The following SCEL variants were observed in gnomAD, a reference collection of about 807,000 sequenced individuals.
SCEL encodes sciellin.
Under a neutral mutation model 117.6 loss-of-function variants are expected in SCEL, and 113 were observed. The observed-to-expected ratio is 0.96, with a 90% CI of 0.83 to 1.12. The LOEUF (loss-of-function observed/expected upper bound fraction) is 1.12. Among genes scored for constraint, SCEL ranks in the 50% most tolerant of loss-of-function variants. SCEL has a pLI of 0.00. For missense variants in SCEL, 785 were observed against 810.8 expected (o/e 0.97, Z 0.39); for synonymous variants, 270 against 256.2 (o/e 1.05, Z -0.51).
rs1555510801 is a variant in SCEL, at chr13:77,593,300, G to GTGTGCGCGCGCGTC, written c.693-210_693-209insCGCGCGCGTCTGTG. Among the ~76,000 whole-genome samples, 388 of 145,216 alleles carry GTGTGCGCGCGCGTC rather than the reference G, an allele frequency of 2.7e-3. 3 individuals carry two copies. Among genetic ancestry groups the GTGTGCGCGCGCGTC allele is most frequent in the Middle Eastern group, 7.2e-3 (2 of 276 alleles). ...TGTGTGTGTGTGTGTGTGTGTGTCTGTGTGTGTGTGTGTGTGTGTCAGTGG... is the reference window on the plus strand; with the variant it reads ...TGTGTGTGTGTGTGTGTGTGTGTCTGTGTGCGCGCGCGTCTGTGTGTGTGTGTGTGTGTCAGTGG... On this transcript the variant is annotated intron_variant, in intron 11 of 32. Transcript: ENST00000349847.
At chr13:77,613,841 A>T in intron 23 of SCEL, 52 bp from the exon 24 acceptor site, 1 of 1,466,608 alleles carries the variant, frequency 6.8e-7, no homozygotes, top group Non-Finnish European at 9.6e-7. Context: ...CTGTCAAAAC[A>T]AAAAAGAAAT....
intron 10 of SCEL, among the ~76,000 whole-genome samples, chr13:77,590,120 C>T (rs910457206): frequency 6.6e-5 from 10 of 152,038 alleles, no homozygotes; most frequent in African/African-American, 2.2e-4. Context: ...TTTAATAAGA[C>T]ACAACCATAG....
At chr13:77,546,991 TAGTC>T (rs1003615184) in intron 1 of SCEL, among the ~76,000 whole-genome samples, 3 of 152,184 alleles carry the variant, frequency 2.0e-5, no homozygotes, top group Non-Finnish European at 2.9e-5. Flanking sequence ...TCAATTGTAA[TAGTC>T]AGAACTACAA....
At chr13:77,569,789 T>C (rs2085491495) in intron 8 of SCEL, among the ~76,000 whole-genome samples, 1 of 152,220 alleles carries the variant, frequency 6.6e-6, no homozygotes, top group South Asian at 2.1e-4. Context: ...GAAACCGGCC[T>C]GTATCTGGAG....
intron 1 of SCEL, among the ~76,000 whole-genome samples, chr13:77,540,816 T>A (rs888762396): frequency 6.6e-6 from 1 of 152,248 alleles, no homozygotes; most frequent in Non-Finnish European, 1.5e-5. Flanking sequence ...TGAACGACTT[T>A]AAGTAGGTGA....
rs1275760140 is a variant in SCEL at position 77,602,585 on chromosome 13, T to C, written c.978-69T>C. On this transcript the variant is annotated intron_variant, in intron 16 of 32. Coordinates refer to ENST00000349847, the MANE Select transcript of SCEL (RefSeq NM_144777.3). ...CCTGACACCACATTCAGGGACATTC[T>C]TGATTATACAGATTTCAGAGAAAAT... is the stretch of plus-strand genomic sequence containing the variant. 3 of 1,358,186 alleles carry C rather than the reference T, an allele frequency of 2.2e-6. No individual in the cohort carries two copies. The African/African-American group carries it at 4.3e-5, about 19-fold the overall frequency. 84.1% of individuals were successfully genotyped at this position (1,358,186 alleles called of 1,614,324 possible).
chr13:77,613,422 A>G (rs1382759976), intron 23 of SCEL, among the ~76,000 whole-genome samples: 1 of 152,216 alleles, frequency 6.6e-6, no homozygotes, highest in African/African-American at 2.4e-5. Context: ...TCCATTATAC[A>G]CTGGACAAAA....
Position 77,556,621 on chromosome 13 carries a change from C to A in SCEL, c.69C>A (p.Thr23=), listed in dbSNP as rs1396897628. The A allele has an allele frequency of 2.5e-6, 4 of 1,613,838 alleles. No individual in the cohort carries two copies. Among genetic ancestry groups the A allele is most frequent in the Non-Finnish European group, 3.4e-6 (4 of 1,179,902 alleles). The change falls in exon 3 of 33, where the codon ACC becomes ACA. Residue 23 remains threonine (T), a synonymous_variant. Coordinates refer to ENST00000349847, the MANE Select transcript of SCEL (RefSeq NM_144777.3). ...AGATGAAGAGCACCACTCAGGGAAC[C>A]ACACGGAAGCAGCAGGATTTTCACG... ...GNEMKSTTQG[T]TRKQQDFHEV...
In SCEL at chr13:77,630,301, C is replaced by G. The variant is rs559663214; in HGVS notation, c.1691+2292C>G. ...CTAAATGATAGAGTCTTTCCCTAAA[C>G]TAAATGGTTTGTGACTATGAGTGAA... On this transcript the variant is annotated intron_variant, in intron 28 of 32. Coordinates refer to ENST00000349847, the MANE Select transcript of SCEL (RefSeq NM_144777.3). Among the ~76,000 whole-genome samples, 28 of 152,290 alleles carry G rather than the reference C, an allele frequency of 1.8e-4. No homozygotes were observed. In the East Asian group the frequency reaches 5.0e-3, roughly 27 times the overall value.
At chr13:77,582,495 TG>T (rs1189017302) in intron 9 of SCEL, among the ~76,000 whole-genome samples, 13 of 152,240 alleles carry the variant, frequency 8.5e-5, no homozygotes, top group Non-Finnish European at 1.3e-4. Context: ...CCGAAAGTGC[TG>T]GGATTACAGG....
At chr13:77,626,437 T>C (rs2089735561) in intron 27 of SCEL, among the ~76,000 whole-genome samples, 1 of 152,182 alleles carries the variant, frequency 6.6e-6, no homozygotes, top group African/African-American at 2.4e-5. Flanking sequence ...TGGACATTAG[T>C]GTCCTTCTTT....
At chr13:77,594,341 A>G (rs1332093345) in intron 12 of SCEL, among the ~76,000 whole-genome samples, 3 of 152,172 alleles carry the variant, frequency 2.0e-5, no homozygotes, top group Non-Finnish European at 4.4e-5. Flanking sequence ...TCCTATATTT[A>G]TCCTACGTTC....
intron 18 of SCEL, 145 bp downstream of exon 18, chr13:77,603,280 C>G (rs534263700): frequency 2.0e-5 from 9 of 455,110 alleles, no homozygotes; most frequent in South Asian, 1.9e-4. Context: ...CCCTCCTTAT[C>G]CCCAATAAAA....
In SCEL at chr13:77,612,955, G is replaced by A. The variant is rs2088771045; in HGVS notation, c.1388+14G>A. 3.4e-6 allele frequency: 5 copies of A among 1,487,932 alleles called. No individual in the cohort carries two copies. The highest frequency in any genetic ancestry group is 4.6e-6 in the Non-Finnish European group (5 of 1,091,088). The allele number at this position is 1,487,932 out of a possible 1,614,324, so 92.2% of individuals were successfully genotyped here. A position where few individuals can be genotyped will look rare whatever the true frequency, so the allele number is the denominator to read the frequency against. ...AGCAAACAAAAGGTAAACTTATTAA[G>A]ATAATTGAAGACTTCTTAGCAAGTC... On this transcript the variant is annotated intron_variant, in intron 23 of 32. Coordinates refer to ENST00000349847, the MANE Select transcript of SCEL (RefSeq NM_144777.3).
chr13:77,568,411 T>A, intron 7 of SCEL, 78 bp downstream of exon 7: 1 of 812,862 alleles, frequency 1.2e-6, no homozygotes, highest in South Asian at 1.5e-5. Flanking sequence ...TCAGGCCAAT[T>A]TTATTGGAAT....
rs199894628 is a variant in SCEL at position 77,556,720 on chromosome 13, T to C, written c.161+7T>C. 5 of 1,591,158 alleles carry C rather than the reference T, an allele frequency of 3.1e-6. No homozygotes were observed. The East Asian group carries it at 8.9e-5, about 28-fold the overall frequency. On this transcript the variant is annotated splice_region_variant and intron_variant, in intron 3 of 32. Coordinates refer to ENST00000349847, the MANE Select transcript of SCEL (RefSeq NM_144777.3). ...AACGCCCTGAAGAAGAAAAGTAAGC[T>C]GGTGTGGAGCGTGGTGGGTGGACAG...
At chr13:77,536,574 A>C (rs900223108) in intron 1 of SCEL, among the ~76,000 whole-genome samples, 2 of 152,230 alleles carry the variant, frequency 1.3e-5, no homozygotes, top group African/African-American at 4.8e-5. Flanking sequence ...AGTCCTGAAA[A>C]ACCAGTTTTG....
At chr13:77,564,944 A>G (rs1319288854) in intron 5 of SCEL, among the ~76,000 whole-genome samples, 4 of 152,218 alleles carry the variant, frequency 2.6e-5, no homozygotes, top group Non-Finnish European at 4.4e-5. Context: ...TAGTATATGT[A>G]CAAGATCTCA....
At chr13:77,585,571 A>G (rs963773285) in intron 9 of SCEL, among the ~76,000 whole-genome samples, 5 of 151,866 alleles carry the variant, frequency 3.3e-5, no homozygotes, top group African/African-American at 1.2e-4. Context: ...GAGCCAAGAG[A>G]CCCACCATGC....
Sources: gnomAD v4.1 joint callset for allele counts (sites outside exome capture counted in the v4.1 genomes callset) on GRCh38, gnomAD v4.1.1 for gene constraint, MANE v1.5 for transcripts, NCBI Gene and HGNC (gene_info 2026-07-23, HGNC 2026-07-21) for gene names.